The following PDCD6 variants were observed in gnomAD, a reference collection of about 807,000 sequenced individuals.
PDCD6 encodes the protein programmed cell death protein 6.
Under a neutral mutation model 28.3 loss-of-function variants are expected in PDCD6, and 12 were observed. That is an observed-to-expected ratio of 0.42 (90% CI 0.27 to 0.69). The LOEUF (loss-of-function observed/expected upper bound fraction) is 0.69, where lower values mean the gene tolerates loss of function less well. Among genes scored for constraint, PDCD6 ranks in the 30% least tolerant of loss-of-function variants. The pLI is 0.22. For synonymous variants in PDCD6, 92 were observed against 108.0 expected (o/e 0.85, Z 0.92); for missense variants, 226 against 269.9 (o/e 0.84, Z 1.14).
chr5:308,350 CTG>C (rs1440503681), intron 4 of PDCD6: 1 of 152,288 alleles, frequency 6.6e-6, no homozygotes, highest in East Asian at 1.9e-4. Flanking sequence ...TCCCAGAAAA[CTG>C]TGCTTAGCTG....
intron 2 of PDCD6, among the ~76,000 whole-genome samples, chr5:281,519 T>G (rs1170202209): frequency 6.6e-6 from 1 of 151,684 alleles, no homozygotes; most frequent in Non-Finnish European, 1.5e-5. Flanking sequence ...GAGATCCAGG[T>G]GGGAGAGGTG....
At chr5:286,741 G>C (rs532832386) in intron 2 of PDCD6, among the ~76,000 whole-genome samples, 13 of 152,266 alleles carry the variant, frequency 8.5e-5, no homozygotes, top group African/African-American at 3.1e-4. Context: ...CGTGCAGGTG[G>C]AGACCTGGGG....
rs1394338518 is a variant in PDCD6, at chr5:305,394, G to C, written c.208+1173G>C. The C allele has an allele frequency of 6.6e-6, 1 of 152,330 alleles. No homozygotes were observed. Among genetic ancestry groups the C allele is most frequent in the Admixed American group, 6.5e-5 (1 of 15,276 alleles). The allele number at this position is 152,330 out of a possible 1,614,324, so 9.4% of individuals were successfully genotyped here. The stretch of plus-strand genomic sequence containing the variant: ...GTGTCTGAGTCCTAGTGTGGGTGTA[G>C]CTGGGGGCTTTTCCAGATGACTGTG... On this transcript the variant is annotated intron_variant, in intron 3 of 5. Coordinates refer to ENST00000264933, the MANE Select transcript of PDCD6 (RefSeq NM_013232.4). This position sits in a 1 kb window ranked among gnomAD's most constrained non-coding sequence, Gnocchi z 4.0.
chr5:304,363 C>T (rs1740332261), intron 3 of PDCD6, 142 bp downstream of exon 3: 2 of 1,236,718 alleles, frequency 1.6e-6, no homozygotes, highest in Non-Finnish European at 1.1e-6. Context: ...CCCTTTCATC[C>T]CTCTCCCTCC....
intron 1 of PDCD6, 96 bp downstream of exon 1, chr5:271,917 CTA>C (rs1334912987): frequency 3.8e-5 from 22 of 576,984 alleles, no homozygotes; most frequent in South Asian, 7.2e-5. Context: ...CCTGCCGGTT[CTA>C]CTGCGGCCTC....
At chr5:313,222 C>G (rs6873902) in intron 5 of PDCD6, among the ~76,000 whole-genome samples, 27,620 of 152,216 alleles carry the variant, frequency 0.18, 5,579 homozygotes, top group African/African-American at 0.51. Context: ...AAAATTCCCT[C>G]AAAAACGTTT....
intron 5 of PDCD6, chr5:311,855 T>C (rs1369596571): frequency 1.7e-5 from 3 of 177,298 alleles, no homozygotes; most frequent in Middle Eastern, 2.4e-3. Context: ...CAGCTAATTT[T>C]TGTATTTTTA....
At chr5:299,657 C>T (rs558390178) in intron 2 of PDCD6, among the ~76,000 whole-genome samples, 1 of 151,996 alleles carries the variant, frequency 6.6e-6, no homozygotes, top group African/African-American at 2.4e-5. Context: ...TCACGCCATT[C>T]TCCTGCCTCA....
At chr5:277,929 AAG>A (rs1554005355) in intron 2 of PDCD6, among the ~76,000 whole-genome samples, 3 of 151,674 alleles carry the variant, frequency 2.0e-5, no homozygotes, top group African/African-American at 7.2e-5. Context: ...AAAAAAAAAA[AAG>A]AATAGAATAA....
At chr5:289,975 C>G in intron 2 of PDCD6, 2 of 1,597,964 alleles carry the variant, frequency 1.3e-6, no homozygotes, top group East Asian at 2.2e-5. Flanking sequence ...TTTGTCTGTT[C>G]CTGTATAGTT....
chr5:310,722 C>A (rs540486823), intron 4 of PDCD6: 1 of 154,500 alleles, frequency 6.5e-6, no homozygotes, highest in Admixed American at 6.5e-5. Context: ...CCTGCCACTG[C>A]GTGCCCTTCA....
In PDCD6 at chr5:307,544, G is replaced by A. The variant is rs1270476907; in HGVS notation, c.367+784G>A. On this transcript the variant is annotated intron_variant, in intron 4 of 5. Coordinates refer to ENST00000264933, the MANE Select transcript of PDCD6 (RefSeq NM_013232.4). The surrounding 1 kb of genome is among the most constrained non-coding windows in gnomAD (Gnocchi z 6.1). ...ATAGGGCCTGTCCACGGGGCTTCCCGTGCTGCTCTCAGGGCTGAGAGGAAG... is the reference window on the plus strand; with the variant it reads ...ATAGGGCCTGTCCACGGGGCTTCCCATGCTGCTCTCAGGGCTGAGAGGAAG... Among the ~76,000 whole-genome samples the A allele has an allele frequency of 3.3e-5, 5 of 152,174 alleles. No individual in the cohort carries two copies. Among genetic ancestry groups the A allele is most frequent in the East Asian group, 1.9e-4 (1 of 5,188 alleles).
At chr5:281,782 G>T (rs567172777) in intron 2 of PDCD6, among the ~76,000 whole-genome samples, 143 of 152,114 alleles carry the variant, frequency 9.4e-4, no homozygotes, top group African/African-American at 3.3e-3. Flanking sequence ...TAGATTGAGG[G>T]TCGTGCAGCT....
Position 302,522 on chromosome 5 carries a change from G to A in PDCD6, c.164-1655G>A, listed in dbSNP as rs560962539. Among the ~76,000 whole-genome samples, 303 of 130,598 alleles carry A rather than the reference G, an allele frequency of 2.3e-3. 2 individuals are homozygous for A. Among genetic ancestry groups the A allele is most frequent in the Non-Finnish European group, 7.6e-4 (47 of 62,184 alleles). The allele number at this position is 130,598 out of a possible 152,430, so 85.7% of individuals were successfully genotyped here. On this transcript the variant is annotated intron_variant, in intron 2 of 5. Coordinates refer to ENST00000264933, the MANE Select transcript of PDCD6 (RefSeq NM_013232.4). ...GTGTGTGTGTGTGTGTGTATGCCTCGGGTTCAGGTGCACCTGCCTTAGTGG... is the reference window on the plus strand; with the variant it reads ...GTGTGTGTGTGTGTGTGTATGCCTCAGGTTCAGGTGCACCTGCCTTAGTGG...
intron 2 of PDCD6, among the ~76,000 whole-genome samples, chr5:302,469 G>A (rs1460543826): frequency 9.0e-6 from 1 of 111,256 alleles, no homozygotes; most frequent in Non-Finnish European, 1.7e-5. Context: ...ACTGCTGGAG[G>A]GCGGGTCATG....
At chr5:309,211 CAG>C (rs1444042664) in intron 4 of PDCD6, 1 of 152,626 alleles carries the variant, frequency 6.6e-6, no homozygotes, top group Non-Finnish European at 1.5e-5. Context: ...CACAGCATTT[CAG>C]AGAGTCCGAA....
chr5:311,783 TC>T (rs1227457488), intron 5 of PDCD6: 1 of 215,768 alleles, frequency 4.6e-6, no homozygotes, highest in Non-Finnish European at 9.1e-6. Context: ...CACCTCTGCG[TC>T]CCGGGTTTAA....
chr5:272,982 T>G lies in PDCD6; in HGVS notation c.163+210T>G, dbSNP rs1003111670. 1.9e-4 allele frequency: 171 copies of G among 878,802 alleles called. 1 individual carries two copies. The Middle Eastern group carries it at 2.2e-3, about 11-fold the overall frequency. The allele number at this position is 878,802 out of a possible 1,614,324, so 54.4% of individuals were successfully genotyped here. ...GTGCCTCACCGAGCCAGCTAACAACTGCGTGCGTGAGCACAGGGAAAGGCT... is the reference window on the plus strand; with the variant it reads ...GTGCCTCACCGAGCCAGCTAACAACGGCGTGCGTGAGCACAGGGAAAGGCT... On this transcript the variant is annotated intron_variant, in intron 2 of 5. Coordinates refer to ENST00000264933, the MANE Select transcript of PDCD6 (RefSeq NM_013232.4).
intron 2 of PDCD6, among the ~76,000 whole-genome samples, chr5:292,263 ATTG>A (rs1739358627): frequency 6.6e-6 from 1 of 151,792 alleles, no homozygotes; most frequent in Non-Finnish European, 1.5e-5. Flanking sequence ...TATTATTCCT[ATTG>A]TTATGTTTTT....
Sources: gnomAD v4.1 joint callset for allele counts (sites outside exome capture counted in the v4.1 genomes callset) on GRCh38, gnomAD v4.1.1 for gene constraint, Gnocchi (gnomAD v3.1) non-coding constraint, MANE v1.5 for transcripts, NCBI Gene and HGNC (gene_info 2026-07-23, HGNC 2026-07-21) for gene names.